The following CLNS1A variants were observed in gnomAD, a reference collection of about 807,000 sequenced individuals.
CLNS1A encodes methylosome subunit pICln.
Under a neutral mutation model 29.4 loss-of-function variants are expected in CLNS1A, and 16 were observed. That is an observed-to-expected ratio of 0.54 (90% CI 0.37 to 0.83). The LOEUF (loss-of-function observed/expected upper bound fraction) is 0.83, where lower values mean the gene tolerates loss of function less well. Among genes scored for constraint, CLNS1A ranks in the 40% least tolerant of loss-of-function variants. The pLI, the probability that CLNS1A is intolerant of heterozygous loss-of-function variation, is 0.00. For missense variants in CLNS1A, 235 were observed against 287.4 expected (o/e 0.82, Z 1.32); for synonymous variants, 96 against 104.8 (o/e 0.92, Z 0.51).
At chr11:77,628,935 T>C (rs551973780) in intron 2 of CLNS1A, among the ~76,000 whole-genome samples, 1 of 152,316 alleles carries the variant, frequency 6.6e-6, no homozygotes, top group African/African-American at 2.4e-5. Flanking sequence ...AGTATAATAA[T>C]AGCATCCTTG....
chr11:77,630,402 C>T (rs954376072), intron 1 of CLNS1A, among the ~76,000 whole-genome samples: 1 of 152,130 alleles, frequency 6.6e-6, no homozygotes, highest in African/African-American at 2.4e-5. Flanking sequence ...CCTTCAAAAC[C>T]GTTAACAAAG....
chr11:77,629,069 G>A (rs1046030355), intron 2 of CLNS1A, among the ~76,000 whole-genome samples: 1 of 152,108 alleles, frequency 6.6e-6, no homozygotes, highest in African/African-American at 2.4e-5. Context: ...CAACCACTGA[G>A]ACCCACTACT....
chr11:77,637,083 T>C (rs1021831797), intron 1 of CLNS1A, among the ~76,000 whole-genome samples: 18 of 150,964 alleles, frequency 1.2e-4, no homozygotes, highest in African/African-American at 4.4e-4. Flanking sequence ...GTAACCAAAC[T>C]TTAAAAGTCC....
At chr11:77,636,772 G>A (rs1361175726) in intron 1 of CLNS1A, among the ~76,000 whole-genome samples, 1 of 152,122 alleles carries the variant, frequency 6.6e-6, no homozygotes, top group Non-Finnish European at 1.5e-5. Flanking sequence ...GACAAGTGAT[G>A]GAGCAAAAGG....
intron 1 of CLNS1A, among the ~76,000 whole-genome samples, chr11:77,634,242 CTAAA>C (rs1565130572): frequency 6.6e-6 from 1 of 152,276 alleles, no homozygotes; most frequent in African/African-American, 2.4e-5. Flanking sequence ...CTGCCTCAAA[CTAAA>C]TAGTTTCACC....
rs1958967464 is a variant in CLNS1A, at chr11:77,622,376, A to G, written c.646+124T>C. 4 of 670,894 alleles carry G rather than the reference A, an allele frequency of 6.0e-6. No individual in the cohort carries two copies. In the Admixed American group the frequency reaches 1.3e-4, roughly 21 times the overall value. 41.6% of individuals were successfully genotyped at this position (670,894 alleles called of 1,614,324 possible). On this transcript the variant is annotated intron_variant, in intron 5 of 6. Coordinates refer to ENST00000525428, the MANE Select transcript of CLNS1A (RefSeq NM_001293.3). ...GCATTCCTATACTATGTAATTCTGT[A>G]TCTGCTTCCTATACTATAGAGAGTC...
intron 2 of CLNS1A, among the ~76,000 whole-genome samples, chr11:77,626,779 C>A (rs1161573302): frequency 6.7e-6 from 1 of 150,114 alleles, no homozygotes; most frequent in Non-Finnish European, 1.5e-5. Context: ...GCAAGCTCTG[C>A]CTCTTGGGTT....
Position 77,616,627 on chromosome 11 carries a change from AAG to A in CLNS1A, c.*89_*90del, listed in dbSNP as rs1958907883. The A allele has an allele frequency of 6.6e-6, 1 of 152,600 alleles. No homozygotes were observed. Among genetic ancestry groups the A allele is most frequent in the Admixed American group, 6.5e-5 (1 of 15,270 alleles). 9.5% of individuals were successfully genotyped at this position (152,600 alleles called of 1,614,324 possible). On this transcript the variant is annotated 3_prime_UTR_variant, in exon 7 of 7. Transcript: ENST00000525428. ...TCAGGTTGGGTTTTGGAAAAGGAAA[AAG>A]ACTTTCATTAACTTCACTCCAGAGT...
At chr11:77,634,522 G>C (rs1428730274) in intron 1 of CLNS1A, among the ~76,000 whole-genome samples, 1 of 151,946 alleles carries the variant, frequency 6.6e-6, no homozygotes, top group Non-Finnish European at 1.5e-5. Flanking sequence ...TCAGGAATTT[G>C]AGACCAGCCT....
At chr11:77,625,157 G>T (rs747779974) in intron 3 of CLNS1A, 87 bp from the exon 4 acceptor site, 2 of 866,656 alleles carry the variant, frequency 2.3e-6, no homozygotes, top group Admixed American at 2.7e-5. Flanking sequence ...TACACAAAAC[G>T]CCACAGTATT....
At chr11:77,634,646 C>T (rs1565130739) in intron 1 of CLNS1A, among the ~76,000 whole-genome samples, 2 of 151,194 alleles carry the variant, frequency 1.3e-5, no homozygotes, top group Non-Finnish European at 1.5e-5. Flanking sequence ...ATCGCTTAAA[C>T]CCGGGAGGCG....
At chr11:77,637,113 CTACGT>C (rs1235506148) in intron 1 of CLNS1A, among the ~76,000 whole-genome samples, 1 of 151,492 alleles carries the variant, frequency 6.6e-6, no homozygotes, top group Non-Finnish European at 1.5e-5. Context: ...GGCTCTGAAA[CTACGT>C]ATCCCAGAGA....
chr11:77,637,132 G>C (rs1772998546), intron 1 of CLNS1A, among the ~76,000 whole-genome samples: 1 of 150,788 alleles, frequency 6.6e-6, no homozygotes, highest in South Asian at 2.1e-4. Context: ...CCAGAGAGGG[G>C]AACATCTCCT....
rs372744786 is a variant in CLNS1A, at chr11:77,626,937, C to T, written c.263-1119G>A. ...GTCTTGATCTCCTGACCTCGTGATC[C>T]GCCCGCCTCAGCCTCCCAAAGTGCT... On this transcript the variant is annotated intron_variant, in intron 2 of 6. Transcript: ENST00000525428. Among the ~76,000 whole-genome samples the T allele has an allele frequency of 7.1e-4, 105 of 148,850 alleles. No homozygotes were observed. The East Asian group carries it at 0.016, about 23-fold the overall frequency.
chr11:77,626,987 G>A (rs559153659), intron 2 of CLNS1A, among the ~76,000 whole-genome samples: 53 of 150,656 alleles, frequency 3.5e-4, no homozygotes, highest in African/African-American at 8.5e-4. Context: ...GAGCCACCGC[G>A]CCCAGCCCTG....
chr11:77,618,695 G>A (rs1291474445), intron 6 of CLNS1A: 1 of 152,144 alleles, frequency 6.6e-6, no homozygotes, highest in African/African-American at 2.4e-5. Flanking sequence ...TTTCTGAAAT[G>A]AAATAGAACA....
At chr11:77,630,203 C>T (rs188761992) in intron 1 of CLNS1A, among the ~76,000 whole-genome samples, 1 of 152,270 alleles carries the variant, frequency 6.6e-6, no homozygotes, top group African/African-American at 2.4e-5. Flanking sequence ...TCTTCAAATA[C>T]CCTCTTTGCT....
intron 2 of CLNS1A, among the ~76,000 whole-genome samples, chr11:77,629,112 T>A (rs1255722456): frequency 6.6e-6 from 1 of 152,110 alleles, no homozygotes; most frequent in East Asian, 1.9e-4. Flanking sequence ...TCTTAAATTA[T>A]GAGAAGCACA....
intron 2 of CLNS1A, among the ~76,000 whole-genome samples, chr11:77,626,985 G>A (rs543219695): frequency 3.2e-4 from 46 of 145,936 alleles, no homozygotes; most frequent in African/African-American, 9.1e-4. Context: ...GTGAGCCACC[G>A]CGCCCAGCCC....
Sources: allele counts gnomAD v4.1 joint callset (sites outside exome capture counted in the v4.1 genomes callset), GRCh38; gene constraint gnomAD v4.1.1; transcripts MANE v1.5; gene names NCBI Gene and HGNC (gene_info 2026-07-23, HGNC 2026-07-21).